The following ACTL6A variants were observed in gnomAD, a reference collection of about 807,000 sequenced individuals.
The protein encoded by ACTL6A is actin-like protein 6A.
A neutral mutation model predicts 59.2 loss-of-function variants in ACTL6A; 5 were observed. That is an observed-to-expected ratio of 0.08 (90% CI 0.04 to 0.18). The LOEUF is 0.18. ACTL6A is among the 10% of genes least tolerant of loss of function. The pLI, the probability that ACTL6A is intolerant of heterozygous loss-of-function variation, is 1.00. For synonymous variants in ACTL6A, 154 were observed against 171.8 expected (o/e 0.90, Z 0.81); for missense variants, 285 against 526.9 (o/e 0.54, Z 4.49).
rs376801440 is a variant in ACTL6A, at chr3:179,581,242, C to T, written c.1026+22C>T. The T allele has an allele frequency of 3.4e-5, 54 of 1,587,830 alleles. No individual in the cohort carries two copies. In the African/African-American group the frequency reaches 4.6e-4, roughly 13 times the overall value. ...ACCAGTAAGTGCCAGTCTCCTGTTACGGTTTAAAGGTATCTTTTAGGGGAC... is the reference window on the plus strand; with the variant it reads ...ACCAGTAAGTGCCAGTCTCCTGTTATGGTTTAAAGGTATCTTTTAGGGGAC... On this transcript the variant is annotated intron_variant, in intron 11 of 13. Coordinates refer to ENST00000429709, the MANE Select transcript of ACTL6A (RefSeq NM_004301.5).
intron 8 of ACTL6A, among the ~76,000 whole-genome samples, chr3:179,577,892 C>T (rs761742838): frequency 9.2e-5 from 14 of 151,862 alleles, no homozygotes; most frequent in Middle Eastern, 3.4e-3. Flanking sequence ...CTTCCACCGA[C>T]GGGCATTTAA....
At chr3:179,566,807 G>A (rs1449466316) in intron 1 of ACTL6A, among the ~76,000 whole-genome samples, 1 of 151,928 alleles carries the variant, frequency 6.6e-6, no homozygotes, top group Admixed American at 6.6e-5. Context: ...CTCCTGCCTC[G>A]GCCTCCAGAG....
Position 179,576,095 on chromosome 3 carries a change from A to AT in ACTL6A, c.477-117dup, listed in dbSNP as rs1718158273. On this transcript the variant is annotated intron_variant, in intron 5 of 13. Transcript: ENST00000429709. ...TTTATCCCTAGATTCACTGTAATAC[A>AT]TTTTTAACTATAAGGTACATGTTTA... The AT allele has an allele frequency of 4.8e-5, 33 of 690,740 alleles. No homozygotes were observed. In the South Asian group the frequency reaches 5.9e-4, roughly 12 times the overall value. The allele number at this position is 690,740 out of a possible 1,614,324, so 42.8% of individuals were successfully genotyped here. A position where few individuals can be genotyped will look rare whatever the true frequency, so the allele number is the denominator to read the frequency against.
rs769871706 is a variant in ACTL6A, at chr3:179,576,886, G to A, written c.741G>A (p.Thr247=). Residue 247 remains threonine (T), a synonymous_variant, in exon 8 of 14, where the codon ACG becomes ACA. Coordinates refer to ENST00000429709, the MANE Select transcript of ACTL6A (RefSeq NM_004301.5). The part of the protein sequence containing the change: ...WKRKEKLPQV[T]RSWHNYMCNC... ...GAAAAGAGAAGTTGCCTCAGGTTAC[G>A]AGGTCTTGGCACAATTATATGTGTA... 5.6e-6 allele frequency: 9 copies of A among 1,613,896 alleles called. No homozygotes were observed. The highest frequency in any genetic ancestry group is 4.4e-5 in the South Asian group (4 of 91,068).
intron 11 of ACTL6A, among the ~76,000 whole-genome samples, chr3:179,581,762 AACTC>A (rs1281457524): frequency 2.0e-5 from 3 of 152,168 alleles, no homozygotes; most frequent in Non-Finnish European, 2.9e-5. Flanking sequence ...TTTAAATACT[AACTC>A]CATATTATAT....
chr3:179,567,167 AC>A (rs577831300), intron 1 of ACTL6A, among the ~76,000 whole-genome samples: 74 of 151,056 alleles, frequency 4.9e-4, no homozygotes, highest in African/African-American at 1.7e-3. Context: ...GGAGTTTGAG[AC>A]CAGCCTGGCC....
intron 1 of ACTL6A, among the ~76,000 whole-genome samples, chr3:179,565,179 G>C (rs754317077): frequency 2.0e-5 from 3 of 152,074 alleles, no homozygotes; most frequent in Non-Finnish European, 4.4e-5. Flanking sequence ...CGGGTGCGGT[G>C]TAATCCCAAC....
intron 1 of ACTL6A, among the ~76,000 whole-genome samples, chr3:179,566,362 C>T (rs1173730051): frequency 6.6e-6 from 1 of 152,060 alleles, no homozygotes; most frequent in Non-Finnish European, 1.5e-5. Flanking sequence ...GGGTTTGTGG[C>T]CTTCCCAAAG....
At chr3:179,573,807 T>C (rs552724517) in intron 4 of ACTL6A, among the ~76,000 whole-genome samples, 1 of 152,102 alleles carries the variant, frequency 6.6e-6, no homozygotes, top group Non-Finnish European at 1.5e-5. Flanking sequence ...AAGGGCAGCG[T>C]ATATCTACTT....
At chr3:179,571,293 G>A (rs1171667171) in intron 3 of ACTL6A, among the ~76,000 whole-genome samples, 7 of 151,722 alleles carry the variant, frequency 4.6e-5, no homozygotes, top group Admixed American at 1.3e-4. Flanking sequence ...GTGGTGATGC[G>A]TACCACCTGT....
intron 8 of ACTL6A, among the ~76,000 whole-genome samples, chr3:179,579,455 T>C (rs987102362): frequency 2.3e-3 from 340 of 145,132 alleles, no homozygotes; most frequent in African/African-American, 4.9e-3. Context: ...TTATATCATA[T>C]ACACACACAC....
chr3:179,563,214 G>T, intron 1 of ACTL6A, 97 bp downstream of exon 1: 1 of 1,511,272 alleles, frequency 6.6e-7, no homozygotes, highest in Non-Finnish European at 8.9e-7. Flanking sequence ...TTCCCTTCCG[G>T]TCTCCCCCTC....
At chr3:179,587,556 A>G (rs1718541909) in intron 13 of ACTL6A, among the ~76,000 whole-genome samples, 1 of 152,070 alleles carries the variant, frequency 6.6e-6, no homozygotes, top group Non-Finnish European at 1.5e-5. Context: ...GAATTATTCA[A>G]AGTTTAGGAG....
At chr3:179,580,575 T>A in intron 8 of ACTL6A, 65 bp from the exon 9 acceptor site, 1 of 1,140,612 alleles carries the variant, frequency 8.8e-7, no homozygotes, top group Non-Finnish European at 1.3e-6. Context: ...TAAAATATGT[T>A]ATAAAAGTAT....
At chr3:179,581,314 G>T in intron 11 of ACTL6A, 94 bp downstream of exon 11, 7 of 1,017,680 alleles carry the variant, frequency 6.9e-6, no homozygotes, top group Non-Finnish European at 1.1e-5. Flanking sequence ...TCTAATGGTT[G>T]TCAGTGTCAT....
intron 5 of ACTL6A, chr3:179,574,694 G>A (rs534230703): frequency 4.1e-5 from 15 of 364,306 alleles, no homozygotes; most frequent in Admixed American, 1.7e-4. Context: ...GTGTTAAGAC[G>A]TTTTTGTTTT....
Position 179,570,015 on chromosome 3 carries a change from T to C in ACTL6A, c.103-52T>C. The C allele has an allele frequency of 6.3e-7, 1 of 1,585,828 alleles. No individual in the cohort carries two copies. Among genetic ancestry groups the C allele is most frequent in the Non-Finnish European group, 8.6e-7 (1 of 1,166,316 alleles). Reference sequence around the variant, plus strand: ...TAAAATACATTAATTGGGGAAAAAATGCCTTCTTGATGAAAGGTGAAACTT... The same window carrying C: ...TAAAATACATTAATTGGGGAAAAAACGCCTTCTTGATGAAAGGTGAAACTT... On this transcript the variant is annotated intron_variant, in intron 2 of 13. Transcript: ENST00000429709. This position sits in a 1 kb window ranked among gnomAD's most constrained non-coding sequence, Gnocchi z 4.3.
intron 13 of ACTL6A, chr3:179,586,840 A>G: frequency 1.9e-6 from 1 of 515,044 alleles, no homozygotes; most frequent in South Asian, 2.6e-5. Flanking sequence ...GCCTAATTTC[A>G]ATGTCCCCTC....
At chr3:179,569,333 T>C (rs1021809434) in intron 1 of ACTL6A, among the ~76,000 whole-genome samples, 1 of 152,268 alleles carries the variant, frequency 6.6e-6, no homozygotes, top group African/African-American at 2.4e-5. Context: ...ATCATTATAG[T>C]ACTGGGGTAC....
Sources: allele counts gnomAD v4.1 joint callset (sites outside exome capture counted in the v4.1 genomes callset), GRCh38; gene constraint gnomAD v4.1.1; non-coding constraint Gnocchi (gnomAD v3.1); transcripts MANE v1.5; gene names NCBI Gene and HGNC (gene_info 2026-07-23, HGNC 2026-07-21).